Variants in ST3GAL6 observed in about 807,000 individuals in gnomAD.
ST3GAL6 encodes ST3 beta-galactoside alpha-2,3-sialyltransferase 6, also known as type 2 lactosamine alpha-2,3-sialyltransferase.
In ST3GAL6, 31 loss-of-function variants were observed where a neutral mutation model predicts 40.5. The ratio of observed to expected loss-of-function variants is 0.77; its 90% CI spans 0.58 to 1.03. The LOEUF (loss-of-function observed/expected upper bound fraction) is 1.03, where lower values mean the gene tolerates loss of function less well. Ranked by LOEUF, ST3GAL6 falls within the 50% of genes least tolerant of loss-of-function variation. The probability of loss-of-function intolerance (pLI) is 0.00; values close to 1 mark genes in which losing one functional copy is unlikely to be tolerated. For missense variants in ST3GAL6, 357 were observed against 393.2 expected (o/e 0.91, Z 0.78); for synonymous variants, 129 against 136.9 (o/e 0.94, Z 0.40).
At chr3:98,760,464 TCA>T (rs1224929718), upstream of ST3GAL6, among the ~76,000 whole-genome samples, 1 of 152,222 alleles carries the variant, frequency 6.6e-6, no homozygotes, top group Non-Finnish European at 1.5e-5. Flanking sequence ...AACAGCTCCT[TCA>T]CCAGACTGTG....
intron 5 of ST3GAL6, chr3:98,782,126 A>G (rs901678589): frequency 1.1e-5 from 7 of 654,320 alleles, no homozygotes; most frequent in East Asian, 2.7e-5. Context: ...AGAGCCTTTG[A>G]TAAAGTTGGC....
intron 5 of ST3GAL6, among the ~76,000 whole-genome samples, chr3:98,781,244 T>C (rs6808116): frequency 0.43 from 64,753 of 151,832 alleles, 13,978 homozygotes; most frequent in Non-Finnish European, 0.45. Context: ...AACCAAACAC[T>C]GCATGTTCTC....
intron 1 of ST3GAL6, among the ~76,000 whole-genome samples, chr3:98,752,148 T>G (rs1471366319): frequency 1.3e-5 from 2 of 152,170 alleles, no homozygotes; most frequent in African/African-American, 4.8e-5. Flanking sequence ...CACATTAATT[T>G]TACAAGTTTT....
chr3:98,774,325 C>G (rs1392788845), intron 5 of ST3GAL6, among the ~76,000 whole-genome samples: 1 of 152,150 alleles, frequency 6.6e-6, no homozygotes, highest in Admixed American at 6.6e-5. Context: ...TAGGCTGTTT[C>G]CCATACTTTT....
chr3:98,765,988 G>A (rs1938281253), intron 1 of ST3GAL6, among the ~76,000 whole-genome samples: 1 of 152,148 alleles, frequency 6.6e-6, no homozygotes, highest in Non-Finnish European at 1.5e-5. Flanking sequence ...TGGCTGGCCC[G>A]TGTCCTTTGC....
intron 1 of ST3GAL6, among the ~76,000 whole-genome samples, chr3:98,747,686 A>G (rs1936662889): frequency 6.6e-6 from 1 of 152,240 alleles, no homozygotes; most frequent in Non-Finnish European, 1.5e-5. Flanking sequence ...ATCTTTAGGC[A>G]CCATATGGAT....
chr3:98,779,451 G>A (rs1421134101), intron 5 of ST3GAL6, among the ~76,000 whole-genome samples: 2 of 152,184 alleles, frequency 1.3e-5, no homozygotes, highest in Non-Finnish European at 2.9e-5. Flanking sequence ...TTGTTACACT[G>A]AAGGTAGAGT....
intron 8 of ST3GAL6, among the ~76,000 whole-genome samples, chr3:98,790,293 T>C (rs1941082524): frequency 6.6e-6 from 1 of 152,120 alleles, no homozygotes; most frequent in African/African-American, 2.4e-5. Context: ...AGAAGTGATA[T>C]GGGATAAAAT....
intron 5 of ST3GAL6, among the ~76,000 whole-genome samples, chr3:98,779,412 G>A (rs1939861996): frequency 6.6e-6 from 1 of 152,192 alleles, no homozygotes; most frequent in South Asian, 2.1e-4. Context: ...ATGGGTGTTG[G>A]GAATGTGAGT....
rs1576035741 is a variant in ST3GAL6, at chr3:98,745,807, C to T, written c.-12+13275C>T. ...CTAATTATATATTATATATAATGCA[C>T]ATTTTATGTAATTGAAAAAATATAA... On this transcript the variant is annotated intron_variant, in intron 1 of 9. Coordinates refer to the ST3GAL6 transcript ENST00000265261. Among the ~76,000 whole-genome samples the T allele has an allele frequency of 3.3e-5, 5 of 152,222 alleles. No individual in the cohort carries two copies. In the South Asian group the frequency reaches 1.0e-3, roughly 32 times the overall value.
intron 1 of ST3GAL6, among the ~76,000 whole-genome samples, chr3:98,764,249 A>G (rs902056287): frequency 6.6e-6 from 1 of 152,188 alleles, no homozygotes; most frequent in African/African-American, 2.4e-5. Context: ...ATTGCTGAAC[A>G]TGCTTTTTTC....
chr3:98,793,659 TA>T lies in ST3GAL6; in HGVS notation c.910-15del. ...GATTGGGAAAGAATGATGGTAATTGTATTTTTCTTCTTTAGAACGCGTATCA... is the reference window on the plus strand; with the variant it reads ...GATTGGGAAAGAATGATGGTAATTGTTTTTTCTTCTTTAGAACGCGTATCA... On this transcript the variant is annotated splice_polypyrimidine_tract_variant and intron_variant, in intron 9 of 9. Coordinates refer to ENST00000483910, the MANE Select transcript of ST3GAL6 (RefSeq NM_001323368.2). The T allele has an allele frequency of 6.5e-7, 1 of 1,539,082 alleles. No individual in the cohort carries two copies. Among genetic ancestry groups the T allele is most frequent in the Middle Eastern group, 1.7e-4 (1 of 5,880 alleles).
At chr3:98,758,073 T>C (rs550954517) in intron 1 of ST3GAL6, among the ~76,000 whole-genome samples, 22 of 152,108 alleles carry the variant, frequency 1.4e-4, no homozygotes, top group Non-Finnish European at 2.8e-4. Flanking sequence ...TCCTGACCTC[T>C]AGTGACCCAC....
In ST3GAL6 at chr3:98,785,030, G is replaced by C; in HGVS notation, c.421G>C (p.Val141Leu). The C allele has an allele frequency of 6.3e-7, 1 of 1,592,934 alleles. No homozygotes were observed. Among genetic ancestry groups the C allele is most frequent in the East Asian group, 2.2e-5 (1 of 44,698 alleles). ...AGGAGAAAAAATCGACTCCTATGAT[G>C]TAATAATAAGGTAAATATATTTTCT... The part of the protein sequence containing the change: ...TLGEKIDSYD[V>L]IIRMNNGPVL... The change falls in exon 6 of 10, where the codon GTA becomes CTA. Residue 141 changes from valine (V) to leucine (L), a missense_variant. Transcript: ENST00000483910.
At chr3:98,778,176 A>G in intron 5 of ST3GAL6, among the ~76,000 whole-genome samples, 1 of 152,198 alleles carries the variant, frequency 6.6e-6, no homozygotes, top group South Asian at 2.1e-4. Context: ...AGACATAAAT[A>G]TCTTACCTGA....
chr3:98,782,854 G>C, intron 5 of ST3GAL6: 1 of 479,366 alleles, frequency 2.1e-6, no homozygotes, highest in Non-Finnish European at 4.1e-6. Flanking sequence ...TCCTGATTTT[G>C]CAGGAAATCC....
chr3:98,783,092 C>CT (rs33936420), intron 5 of ST3GAL6: 49 of 167,918 alleles, frequency 2.9e-4, no homozygotes, highest in African/African-American at 4.2e-4. Context: ...AAGAGAAGGG[C>CT]TTTTTTTTTT....
Position 98,788,178 on chromosome 3 carries a change from CAT to C in ST3GAL6, c.575_576del (p.His192ArgfsTer12). 3 of 1,613,492 alleles carry C rather than the reference CAT, an allele frequency of 1.9e-6. No homozygotes were observed. The highest frequency in any genetic ancestry group is 2.2e-5 in the East Asian group (1 of 44,848). ...TTVILTAFKPHDLRWLLELLM... is the reference protein window; with the variant it reads ...TTVILTAFKPXDLRWLLELLM... ...AGTGATTCTCACTGCTTTTAAGCCACATGATTTAAGGTGGCTGTTGGAATTGT... is the reference window on the plus strand; with the variant it reads ...AGTGATTCTCACTGCTTTTAAGCCACGATTTAAGGTGGCTGTTGGAATTGT... On this transcript the variant is annotated frameshift_variant, in exon 7 of 10. Transcript: ENST00000483910. LOFTEE classifies it high-confidence loss of function.
At chr3:98,765,842 C>T (rs1166830896) in intron 1 of ST3GAL6, among the ~76,000 whole-genome samples, 1 of 152,100 alleles carries the variant, frequency 6.6e-6, no homozygotes, top group Non-Finnish European at 1.5e-5. Context: ...CTCTTAAATT[C>T]TGTTTTTTTC....
Sources: allele counts gnomAD v4.1 joint callset (sites outside exome capture counted in the v4.1 genomes callset), GRCh38; gene constraint gnomAD v4.1.1; transcripts MANE v1.5; gene names NCBI Gene and HGNC (gene_info 2026-07-23, HGNC 2026-07-21).